The following CSPP1 variants were observed in gnomAD, a reference collection of about 807,000 sequenced individuals.
The protein encoded by CSPP1 is centrosome and spindle pole associated protein 1.
CSPP1 carries 126 observed loss-of-function variants against 164.4 expected under a neutral mutation model. The observed-to-expected ratio is 0.77, with a 90% confidence interval of 0.66 to 0.89. The LOEUF is 0.89. Ranked by LOEUF, CSPP1 falls within the 40% of genes least tolerant of loss-of-function variation. The pLI is 0.00. For synonymous variants in CSPP1, 472 were observed against 476.7 expected (o/e 0.99, Z 0.13); for missense variants, 1,395 against 1,449.8 (o/e 0.96, Z 0.61).
intron 15 of CSPP1, among the ~76,000 whole-genome samples, chr8:67,120,029 T>C (rs1038516325): frequency 6.6e-6 from 1 of 152,296 alleles, no homozygotes; most frequent in Admixed American, 6.5e-5. Context: ...GTTTGAGTCA[T>C]TTTGAGTTAA....
At chr8:67,176,961 C>T (rs1457529967) in intron 26 of CSPP1, among the ~76,000 whole-genome samples, 1 of 151,620 alleles carries the variant, frequency 6.6e-6, no homozygotes, top group African/African-American at 2.4e-5. Flanking sequence ...GTCCCAGCTA[C>T]TCCGGAGCCT....
rs186294087 is a variant in CSPP1 at position 67,110,076 on chromosome 8, G to A, written c.1094-1896G>A. 1.4e-4 allele frequency among the ~76,000 whole-genome samples: 22 copies of A among 151,756 alleles called. No homozygotes were observed. The East Asian group carries it at 4.3e-3, about 29-fold the overall frequency. On this transcript the variant is annotated intron_variant, in intron 9 of 30. Coordinates refer to ENST00000678616, the MANE Select transcript of CSPP1 (RefSeq NM_001382391.1). ...ACCATGAATATGCCTAAACTGGGGTGGAAACTTTTTCCTGGGAGTTCACTA... is the reference window on the plus strand; with the variant it reads ...ACCATGAATATGCCTAAACTGGGGTAGAAACTTTTTCCTGGGAGTTCACTA...
At chr8:67,163,693 A>G (rs1283184314) in intron 22 of CSPP1, 39 bp from the exon 23 acceptor site, 11 of 1,483,018 alleles carry the variant, frequency 7.4e-6, no homozygotes, top group Non-Finnish European at 1.0e-5. Context: ...TGTGTAGGGA[A>G]GACATACTGA....
At chr8:67,173,744 T>C (rs1830954785) in intron 25 of CSPP1, 1 of 152,306 alleles carries the variant, frequency 6.6e-6, no homozygotes, top group African/African-American at 2.4e-5. Flanking sequence ...TTACGTATAC[T>C]GTTATTTTTT....
chr8:67,118,456 G>A (rs1298301968), intron 14 of CSPP1, 87 bp downstream of exon 14: 10 of 1,357,602 alleles, frequency 7.4e-6, no homozygotes, highest in Non-Finnish European at 9.4e-6. Flanking sequence ...ATATCTAAAT[G>A]AGAAAAGCAC....
chr8:67,189,319 C>T (rs556892786), intron 28 of CSPP1, among the ~76,000 whole-genome samples: 1 of 152,194 alleles, frequency 6.6e-6, no homozygotes, highest in East Asian at 1.9e-4. Flanking sequence ...CACACAGATA[C>T]TTATAGCACC....
chr8:67,162,501 G>T (rs1297078207), intron 22 of CSPP1, among the ~76,000 whole-genome samples: 1 of 152,214 alleles, frequency 6.6e-6, no homozygotes, highest in Non-Finnish European at 1.5e-5. Flanking sequence ...GTAAAGAAAT[G>T]TGTCAGAAGA....
chr8:67,091,833 C>A lies in CSPP1; in HGVS notation c.334C>A (p.Pro112Thr). ...KNFLSTSETD[P>T]STLGVSLPIG... The stretch of plus-strand genomic sequence containing the variant: ...TTTTCTATCTACGAGTGAAACAGAT[C>A]CATCTACTTTGGGAGTTTCTCTTCC... Residue 112 changes from proline (P) to threonine (T), a missense_variant, in exon 5 of 31, where the codon CCA (proline) becomes ACA (threonine). Coordinates refer to ENST00000678616, the MANE Select transcript of CSPP1 (RefSeq NM_001382391.1). The A allele has an allele frequency of 1.5e-6, 2 of 1,347,144 alleles. No individual in the cohort carries two copies. Among genetic ancestry groups the A allele is most frequent in the Non-Finnish European group, 2.0e-6 (2 of 1,010,506 alleles). The allele number at this position is 1,347,144 out of a possible 1,614,324, so 83.4% of individuals were successfully genotyped here.
At chr8:67,169,029 T>G (rs1382684383) in intron 24 of CSPP1, among the ~76,000 whole-genome samples, 2 of 152,180 alleles carry the variant, frequency 1.3e-5, no homozygotes, top group South Asian at 2.1e-4. Flanking sequence ...AAAGGGAAAC[T>G]CCATTAGAGC....
chr8:67,158,928 C>G, intron 20 of CSPP1, 63 bp from the exon 21 acceptor site: 1 of 1,289,290 alleles, frequency 7.8e-7, no homozygotes, highest in South Asian at 1.5e-5. Flanking sequence ...AATAAGGCAG[C>G]ACATTTTTGA....
chr8:67,153,428 A>C (rs1308064586), intron 18 of CSPP1, among the ~76,000 whole-genome samples: 1 of 152,160 alleles, frequency 6.6e-6, no homozygotes, highest in Non-Finnish European at 1.5e-5. Context: ...ATATACTAAA[A>C]AATTTTTGTT....
intron 24 of CSPP1, among the ~76,000 whole-genome samples, chr8:67,166,082 G>A (rs1337129513): frequency 6.6e-6 from 1 of 152,154 alleles, no homozygotes; most frequent in Non-Finnish European, 1.5e-5. Context: ...GCCATTGGGA[G>A]CTCTTTCAGG....
intron 21 of CSPP1, among the ~76,000 whole-genome samples, chr8:67,159,851 T>TC (rs1827485102): frequency 7.7e-5 from 7 of 90,906 alleles, no homozygotes; most frequent in East Asian, 5.6e-4. Context: ...TCTTTCTTTC[T>TC]TTTTCTTTCT....
At position 67,095,116 on chromosome 8, in the gene CSPP1, T is replaced by C. The variant is rs1199975621; in HGVS notation, c.484-177T>C. Among the ~76,000 whole-genome samples the C allele has an allele frequency of 2.6e-5, 4 of 152,302 alleles. No homozygotes were observed. In the East Asian group the frequency reaches 7.7e-4, roughly 29 times the overall value. On this transcript the variant is annotated intron_variant, in intron 6 of 30. Transcript: ENST00000678616. Reference sequence around the variant, plus strand: ...TTGAGTTATTTCTGGTTTTTGCTATTACAAGTAAAGCTCATGTGAACATTA... The same window carrying C: ...TTGAGTTATTTCTGGTTTTTGCTATCACAAGTAAAGCTCATGTGAACATTA...
chr8:67,175,318 G>T lies in CSPP1; in HGVS notation c.2991G>T (p.Leu997=), dbSNP rs1343163070. Residue 997 remains leucine, a synonymous_variant, in exon 26 of 31, where the codon CTG becomes CTT. Coordinates refer to ENST00000678616, the MANE Select transcript of CSPP1 (RefSeq NM_001382391.1). The part of the protein sequence containing the change: ...KDRDSETRVD[L]KFMYLDPPRD... ...CAGATTCAGAAACACGAGTTGATCT[G>T]AAATTTATGTACCTGGATCCTCCAA... The T allele has an allele frequency of 6.2e-7, 1 of 1,612,482 alleles. No individual in the cohort carries two copies.
chr8:67,079,769 G>T (rs982976358), intron 3 of CSPP1, among the ~76,000 whole-genome samples: 3 of 152,194 alleles, frequency 2.0e-5, no homozygotes, highest in African/African-American at 7.2e-5. Context: ...CTCTTGAAGA[G>T]TAGTTTTGAA....
chr8:67,167,205 A>G (rs1377244027), intron 24 of CSPP1, among the ~76,000 whole-genome samples: 2 of 152,162 alleles, frequency 1.3e-5, no homozygotes, highest in African/African-American at 2.4e-5. Flanking sequence ...AACCGCAATC[A>G]TCATCATGGC....
At chr8:67,092,653 C>T (rs1264289564) in intron 5 of CSPP1, among the ~76,000 whole-genome samples, 7 of 152,072 alleles carry the variant, frequency 4.6e-5, no homozygotes, top group Non-Finnish European at 1.0e-4. Flanking sequence ...CAATGTAGGC[C>T]AGGCTGGTCT....
chr8:67,069,197 T>G (rs1806202828), intron 1 of CSPP1: 1 of 152,226 alleles, frequency 6.6e-6, no homozygotes, highest in Non-Finnish European at 1.5e-5. Flanking sequence ...TTCCTGGTGT[T>G]CTTTGGCTGG....
Sources: gnomAD v4.1 joint callset for allele counts (sites outside exome capture counted in the v4.1 genomes callset) on GRCh38, gnomAD v4.1.1 for gene constraint, MANE v1.5 for transcripts, NCBI Gene and HGNC (gene_info 2026-07-23, HGNC 2026-07-21) for gene names.